The following CCSER1 variants were observed in gnomAD, a reference collection of about 807,000 sequenced individuals.
CCSER1 encodes the protein serine-rich coiled-coil domain-containing protein 1.
A neutral mutation model predicts 82.0 loss-of-function variants in CCSER1; 41 were observed. The ratio of observed to expected loss-of-function variants is 0.50; its 90% confidence interval spans 0.39 to 0.65. The LOEUF is 0.65. CCSER1 is among the 30% of genes least tolerant of loss of function. CCSER1 has a pLI of 0.00. For missense variants in CCSER1, 1,119 were observed against 1,064.2 expected (o/e 1.05, Z -0.72); for synonymous variants, 414 against 383.9 (o/e 1.08, Z -0.92).
intron 10 of CCSER1, among the ~76,000 whole-genome samples, chr4:91,564,992 G>C (rs1223005847): frequency 6.7e-6 from 1 of 148,466 alleles, no homozygotes; most frequent in Non-Finnish European, 1.5e-5. Context: ...TTATCATCTT[G>C]GGTTTTAAAT....
chr4:90,368,694 A>G (rs1746753769), intron 3 of CCSER1, among the ~76,000 whole-genome samples: 1 of 151,878 alleles, frequency 6.6e-6, no homozygotes, highest in Non-Finnish European at 1.5e-5. Context: ...TGATCATCAT[A>G]TATGAAATTG....
At chr4:90,789,970 A>G (rs1230997490) in intron 7 of CCSER1, among the ~76,000 whole-genome samples, 1 of 152,146 alleles carries the variant, frequency 6.6e-6, no homozygotes, top group Non-Finnish European at 1.5e-5. Flanking sequence ...TGCTCTCAAC[A>G]GGAGTGAGCA....
chr4:90,913,179 G>T (rs4692956), intron 8 of CCSER1, among the ~76,000 whole-genome samples: 2 of 151,828 alleles, frequency 1.3e-5, no homozygotes, highest in Non-Finnish European at 1.5e-5. Flanking sequence ...TCCAAGACAC[G>T]TAGTTGTCAG....
intron 1 of CCSER1, among the ~76,000 whole-genome samples, chr4:90,204,780 G>A (rs910648374): frequency 1.3e-5 from 2 of 152,118 alleles, no homozygotes; most frequent in Admixed American, 6.5e-5. Flanking sequence ...AAATTACTTT[G>A]AGCAGTATGG....
intron 1 of CCSER1, among the ~76,000 whole-genome samples, chr4:90,177,945 C>T (rs1237069009): frequency 1.3e-5 from 2 of 152,050 alleles, no homozygotes; most frequent in African/African-American, 4.8e-5. Context: ...TGAGTGCCCA[C>T]ATGATACTCA....
intron 7 of CCSER1, among the ~76,000 whole-genome samples, chr4:90,774,514 C>T (rs563528812): frequency 4.6e-5 from 7 of 152,208 alleles, no homozygotes; most frequent in African/African-American, 1.7e-4. Context: ...CATATTTAAA[C>T]TGTTTGCCAT....
At position 91,307,081 on chromosome 4, in the gene CCSER1, A is replaced by G. The variant is rs143008485; in HGVS notation, c.2217+221087A>G. Among the ~76,000 whole-genome samples, 362 of 152,104 alleles carry G rather than the reference A, an allele frequency of 2.4e-3. 3 individuals carry two copies. In the South Asian group the frequency reaches 0.031, roughly 13 times the overall value. On this transcript the variant is annotated intron_variant, in intron 10 of 10. Coordinates refer to ENST00000509176, the MANE Select transcript of CCSER1 (RefSeq NM_001145065.2). ...AGATATCAAAATTTCATTCTTAAGT[A>G]TCACAACAATCTATGATTTTTCAAA...
rs1726134058 is a variant in CCSER1, at chr4:90,639,754, G to A, written c.1932+11522G>A. 3.3e-5 allele frequency among the ~76,000 whole-genome samples: 5 copies of A among 152,190 alleles called. No individual in the cohort carries two copies. The East Asian group carries it at 9.7e-4, about 29-fold the overall frequency. ...ACCTGTGCAAGACAGAAGGAAACAA[G>A]AGTTCTATTTTGATCAGGTGAAGGT... On this transcript the variant is annotated intron_variant, in intron 6 of 10. Coordinates refer to ENST00000509176, the MANE Select transcript of CCSER1 (RefSeq NM_001145065.2).
At chr4:91,023,059 G>T (rs1429879984) in intron 9 of CCSER1, among the ~76,000 whole-genome samples, 1 of 152,118 alleles carries the variant, frequency 6.6e-6, no homozygotes, top group East Asian at 1.9e-4. Flanking sequence ...CATTGCTTTT[G>T]GTTCAAAGAG....
chr4:91,528,332 A>G (rs1422637775), intron 10 of CCSER1, among the ~76,000 whole-genome samples: 1 of 152,146 alleles, frequency 6.6e-6, no homozygotes, highest in Non-Finnish European at 1.5e-5. Flanking sequence ...TGGTATATAA[A>G]GTGTCAAATG....
intron 1 of CCSER1, among the ~76,000 whole-genome samples, chr4:90,213,681 T>A (rs566695903): frequency 6.6e-6 from 1 of 152,186 alleles, no homozygotes; most frequent in East Asian, 1.9e-4. Context: ...CCAGGAGAGT[T>A]TGTTGTACTC....
chr4:90,447,873 TTTC>T (rs1275194371), intron 4 of CCSER1, among the ~76,000 whole-genome samples: 1 of 152,140 alleles, frequency 6.6e-6, no homozygotes, highest in East Asian at 1.9e-4. Context: ...CAAAGAATAT[TTTC>T]TTATGCATAA....
At chr4:90,619,496 C>T (rs1721916809) in intron 5 of CCSER1, among the ~76,000 whole-genome samples, 1 of 151,940 alleles carries the variant, frequency 6.6e-6, no homozygotes, top group African/African-American at 2.4e-5. Context: ...ACCCGCCAAC[C>T]TGTGATATTT....
chr4:90,826,218 G>A (rs184655711), intron 8 of CCSER1, among the ~76,000 whole-genome samples: 372 of 152,280 alleles, frequency 2.4e-3, no homozygotes, highest in South Asian at 0.013. Flanking sequence ...GTTTGGTGAC[G>A]TGGAATCTTA....
intron 8 of CCSER1, among the ~76,000 whole-genome samples, chr4:90,863,955 TTTTA>T (rs1404429979): frequency 9.2e-5 from 4 of 43,440 alleles, no homozygotes; most frequent in Non-Finnish European, 2.0e-4. Context: ...CACGTTTTTA[TTTTA>T]TTTTATTTTA....
At chr4:90,983,312 A>T (rs1164860345) in intron 9 of CCSER1, among the ~76,000 whole-genome samples, 1 of 151,688 alleles carries the variant, frequency 6.6e-6, no homozygotes, top group Non-Finnish European at 1.5e-5. Context: ...AAATATTTCT[A>T]CTACCTCAAA....
intron 10 of CCSER1, among the ~76,000 whole-genome samples, chr4:91,248,978 A>G (rs1740041066): frequency 6.6e-6 from 1 of 152,166 alleles, no homozygotes. Context: ...GTGGGTACAC[A>G]CTTTGCCATA....
chr4:91,132,223 A>G (rs1273765094), intron 10 of CCSER1, among the ~76,000 whole-genome samples: 1 of 152,134 alleles, frequency 6.6e-6, no homozygotes, highest in East Asian at 1.9e-4. Context: ...AGTTCAGATG[A>G]CCTTGGTGAC....
At chr4:91,328,559 T>C (rs1168772603) in intron 10 of CCSER1, among the ~76,000 whole-genome samples, 2 of 152,086 alleles carry the variant, frequency 1.3e-5, no homozygotes, top group Admixed American at 1.3e-4. Flanking sequence ...AGCCAAACCA[T>C]ATCAACCACA....
Sources: allele counts gnomAD v4.1 joint callset (sites outside exome capture counted in the v4.1 genomes callset), GRCh38; gene constraint gnomAD v4.1.1; transcripts MANE v1.5; gene names NCBI Gene and HGNC (gene_info 2026-07-23, HGNC 2026-07-21).